Variants in DNER observed in about 807,000 individuals in gnomAD.
DNER encodes delta/notch like EGF repeat containing, also known as delta and Notch-like epidermal growth factor-related receptor.
Under a neutral mutation model 78.2 loss-of-function variants are expected in DNER, and 33 were observed. The ratio of observed to expected loss-of-function variants is 0.42; its 90% CI spans 0.32 to 0.56. The LOEUF (loss-of-function observed/expected upper bound fraction) is 0.56, where lower values mean the gene tolerates loss of function less well. DNER is among the 20% of genes least tolerant of loss of function. The pLI is 0.11. For synonymous variants in DNER, 417 were observed against 384.8 expected (o/e 1.08, Z -0.98); for missense variants, 918 against 975.3 (o/e 0.94, Z 0.78).
At chr2:229,614,018 G>C (rs1698102143) in intron 1 of DNER, among the ~76,000 whole-genome samples, 1 of 148,160 alleles carries the variant, frequency 6.7e-6, no homozygotes, top group African/African-American at 2.5e-5. Flanking sequence ...ACACTCCGGG[G>C]CCTGTTGTGG....
chr2:229,380,431 G>A (rs1292201910), intron 11 of DNER, among the ~76,000 whole-genome samples: 1 of 152,190 alleles, frequency 6.6e-6, no homozygotes, highest in Non-Finnish European at 1.5e-5. Context: ...GTCAAAAGGT[G>A]AGTGAGCAGG....
In DNER at chr2:229,591,703, C is replaced by A. The variant is rs770428899; in HGVS notation, c.462G>T (p.Gln154His). The change falls in exon 2 of 13, where the codon CAG becomes CAT. Residue 154 changes from glutamine (Q) to histidine (H), a missense_variant. Physicochemically the swap from Gln to His is conservative, Grantham distance 24. Transcript: ENST00000341772. The surrounding 1 kb of genome is among the most constrained non-coding windows in gnomAD (Gnocchi z 4.6). ...WTESMAPRQL[Q>H]PVPATQEPDK... ...CAGGCTCCTGAGTAGCAGGAACAGG[C>A]TGAAGCTGTCGGGGTGCCATGGATT... The A allele has an allele frequency of 6.2e-7, 1 of 1,614,194 alleles. No individual in the cohort carries two copies.
intron 12 of DNER, 29 bp downstream of exon 12, chr2:229,366,844 G>A (rs763615331): frequency 3.7e-6 from 6 of 1,612,626 alleles, no homozygotes; most frequent in Non-Finnish European, 4.2e-6. Context: ...TGTGAAGGCA[G>A]CATTCCCCAC....
At chr2:229,384,483 G>T (rs975454136) in intron 11 of DNER, among the ~76,000 whole-genome samples, 1 of 152,022 alleles carries the variant, frequency 6.6e-6, no homozygotes, top group Non-Finnish European at 1.5e-5. Context: ...CTGGTTTTTT[G>T]AAAAGATTTA....
intron 6 of DNER, among the ~76,000 whole-genome samples, chr2:229,502,343 G>A (rs1695637765): frequency 6.6e-6 from 1 of 152,142 alleles, no homozygotes. Flanking sequence ...ATGGGATATG[G>A]GGGCACCGCA....
intron 11 of DNER, among the ~76,000 whole-genome samples, chr2:229,372,630 T>C (rs762100701): frequency 6.6e-6 from 1 of 152,162 alleles, no homozygotes; most frequent in Non-Finnish European, 1.5e-5. Flanking sequence ...CAGTCAGTGT[T>C]GGAAACAGTG....
intron 6 of DNER, among the ~76,000 whole-genome samples, chr2:229,479,096 G>A (rs985575167): frequency 2.0e-5 from 3 of 152,182 alleles, no homozygotes; most frequent in Non-Finnish European, 4.4e-5. Flanking sequence ...TTAGTTTGCT[G>A]AGGATAATGG....
At chr2:229,712,672 T>C (rs746957352) in intron 1 of DNER, among the ~76,000 whole-genome samples, 3 of 152,252 alleles carry the variant, frequency 2.0e-5, no homozygotes, top group Admixed American at 1.3e-4. Context: ...ATTTTGACTT[T>C]TGCAAAAGCA....
intron 10 of DNER, 31 bp from the exon 11 acceptor site, chr2:229,388,427 C>A: frequency 6.4e-7 from 1 of 1,570,794 alleles, no homozygotes; most frequent in Non-Finnish European, 8.6e-7. Context: ...AGTGGTGAAA[C>A]CGCTGCACCC....
chr2:229,550,075 C>T (rs1010123430), intron 4 of DNER, among the ~76,000 whole-genome samples: 6 of 151,842 alleles, frequency 4.0e-5, no homozygotes, highest in African/African-American at 1.5e-4. Context: ...TCACTGCAAC[C>T]TCTGCCTCCC....
At chr2:229,451,905 A>G (rs911316027) in intron 7 of DNER, among the ~76,000 whole-genome samples, 16 of 152,254 alleles carry the variant, frequency 1.1e-4, no homozygotes, top group African/African-American at 3.9e-4. Context: ...ATACTCAGTT[A>G]TAAATAGTAA....
intron 11 of DNER, among the ~76,000 whole-genome samples, chr2:229,369,470 T>C (rs896004809): frequency 6.6e-6 from 1 of 151,830 alleles, no homozygotes; most frequent in Non-Finnish European, 1.5e-5. Flanking sequence ...AAGTTTCAAC[T>C]TTCTAAAAAG....
At chr2:229,654,838 G>A (rs959329473) in intron 1 of DNER, among the ~76,000 whole-genome samples, 3 of 152,108 alleles carry the variant, frequency 2.0e-5, no homozygotes, top group Admixed American at 6.6e-5. Flanking sequence ...TTAATGATAT[G>A]CTCATTAATG....
At chr2:229,483,842 T>G (rs1456266467) in intron 6 of DNER, among the ~76,000 whole-genome samples, 1 of 152,192 alleles carries the variant, frequency 6.6e-6, no homozygotes, top group African/African-American at 2.4e-5. Context: ...AACTTCGCTC[T>G]TATTTCTACT....
At chr2:229,661,410 C>T (rs1251615351) in intron 1 of DNER, among the ~76,000 whole-genome samples, 1 of 140,716 alleles carries the variant, frequency 7.1e-6, no homozygotes, top group East Asian at 2.1e-4. Flanking sequence ...GATATTGAAC[C>T]CTAAAGTTCC....
chr2:229,696,477 A>G (rs1279280049), intron 1 of DNER, among the ~76,000 whole-genome samples: 2 of 152,214 alleles, frequency 1.3e-5, no homozygotes, highest in Non-Finnish European at 2.9e-5. Flanking sequence ...TTCTGGCCTC[A>G]GTTTCCTCTT....
chr2:229,485,162 AGTT>A (rs1381347980), intron 6 of DNER, among the ~76,000 whole-genome samples: 1 of 152,216 alleles, frequency 6.6e-6, no homozygotes, highest in Non-Finnish European at 1.5e-5. Flanking sequence ...ATAGAAGAAA[AGTT>A]GTGACTCAGG....
At chr2:229,426,211 G>A (rs1283291810) in intron 8 of DNER, among the ~76,000 whole-genome samples, 2 of 152,142 alleles carry the variant, frequency 1.3e-5, no homozygotes, top group Admixed American at 1.3e-4. Flanking sequence ...GGAGGCCGAG[G>A]CGGATGGATC....
intron 8 of DNER, among the ~76,000 whole-genome samples, chr2:229,432,771 A>G (rs1029305260): frequency 1.3e-5 from 2 of 152,174 alleles, no homozygotes; most frequent in Admixed American, 1.3e-4. Flanking sequence ...ACCCTCTAAC[A>G]TGGTTCTGAT....
Sources: gnomAD v4.1 joint callset for allele counts (sites outside exome capture counted in the v4.1 genomes callset) on GRCh38, gnomAD v4.1.1 for gene constraint, Gnocchi (gnomAD v3.1) non-coding constraint, MANE v1.5 for transcripts, NCBI Gene and HGNC (gene_info 2026-07-23, HGNC 2026-07-21) for gene names.